Variants in VWC2L observed in about 807,000 individuals in gnomAD.
VWC2L encodes the protein von Willebrand factor C domain containing 2 like.
In VWC2L, 10 loss-of-function variants were observed where a neutral mutation model predicts 21.6. The ratio of observed to expected loss-of-function variants is 0.46; its 90% CI spans 0.29 to 0.78. VWC2L has a LOEUF of 0.78. Among genes scored for constraint, VWC2L ranks in the 30% least tolerant of loss-of-function variants. The pLI, the probability that VWC2L is intolerant of heterozygous loss-of-function variation, is 0.10. For missense variants in VWC2L, 209 were observed against 277.1 expected (o/e 0.75, Z 1.74); for synonymous variants, 96 against 94.3 (o/e 1.02, Z -0.10).
chr2:214,522,372 CT>C (rs1689256769), intron 3 of VWC2L, among the ~76,000 whole-genome samples: 2 of 49,756 alleles, frequency 4.0e-5, no homozygotes, highest in Non-Finnish European at 4.4e-5. Context: ...GAGACCCCGT[CT>C]CAAAAAAAAA....
chr2:214,458,909 T>G (rs1345030879), intron 3 of VWC2L, among the ~76,000 whole-genome samples: 2 of 152,180 alleles, frequency 1.3e-5, no homozygotes, highest in Admixed American at 1.3e-4. Flanking sequence ...TTGGATAAAA[T>G]ATTCTGTAAA....
At chr2:214,503,826 T>C (rs945783501) in intron 3 of VWC2L, among the ~76,000 whole-genome samples, 6 of 152,196 alleles carry the variant, frequency 3.9e-5, no homozygotes, top group South Asian at 4.1e-4. Context: ...CTTTTTGTTA[T>C]ATCTTTTCTG....
rs1559283007 is a variant in VWC2L, at chr2:214,414,121, C to A, written c.-73C>A. 3 of 1,480,908 alleles carry A rather than the reference C, an allele frequency of 2.0e-6. No individual in the cohort carries two copies. In the African/African-American group the frequency reaches 4.3e-5, roughly 21 times the overall value. The allele number at this position is 1,480,908 out of a possible 1,614,324, so 91.7% of individuals were successfully genotyped here. ...TTAAATATTTATTTTCAGCCTACCCCTCTTGTATTCCCATGGAAGGAGCTG... is the reference window on the plus strand; with the variant it reads ...TTAAATATTTATTTTCAGCCTACCCATCTTGTATTCCCATGGAAGGAGCTG... On this transcript the variant is annotated 5_prime_UTR_variant, in exon 2 of 4. Transcript: ENST00000312504.
At chr2:214,426,197 GTAAT>G (rs1366355159) in intron 2 of VWC2L, among the ~76,000 whole-genome samples, 6 of 120,324 alleles carry the variant, frequency 5.0e-5, no homozygotes, top group African/African-American at 1.7e-4. Context: ...AAAAAAAAAA[GTAAT>G]TCAGTCTGAA....
rs1689427803 is a variant in VWC2L, at chr2:214,531,133, T to C, written c.521-44539T>C. ...ATAAGGTTGAAAAGGAAAGTGGCTA[T>C]TCCCCCAAGGACCTTCCAACCAACA... is the stretch of plus-strand genomic sequence containing the variant. On this transcript the variant is annotated intron_variant, in intron 3 of 3. Transcript: ENST00000312504. 2.0e-5 allele frequency among the ~76,000 whole-genome samples: 3 copies of C among 152,194 alleles called. No individual in the cohort carries two copies. In the South Asian group the frequency reaches 6.2e-4, roughly 31 times the overall value.
chr2:214,425,741 G>A (rs181311843), intron 2 of VWC2L, among the ~76,000 whole-genome samples: 52 of 152,168 alleles, frequency 3.4e-4, no homozygotes, highest in South Asian at 1.2e-3. Context: ...ATAGAGAAGC[G>A]GTAGATCTTG....
At chr2:214,508,266 C>A (rs567063884) in intron 3 of VWC2L, among the ~76,000 whole-genome samples, 1 of 152,092 alleles carries the variant, frequency 6.6e-6, no homozygotes, top group Non-Finnish European at 1.5e-5. Flanking sequence ...GCACCACCAC[C>A]CCCGGCTCTT....
chr2:214,522,730 T>C (rs1023142216), intron 3 of VWC2L, among the ~76,000 whole-genome samples: 1 of 152,192 alleles, frequency 6.6e-6, no homozygotes, highest in African/African-American at 2.4e-5. Flanking sequence ...CTAATTATCA[T>C]TACAAGCTAC....
intron 3 of VWC2L, among the ~76,000 whole-genome samples, chr2:214,459,026 C>T (rs907417100): frequency 2.6e-5 from 4 of 152,038 alleles, no homozygotes; most frequent in Non-Finnish European, 5.9e-5. Context: ...AAGTCCCTAA[C>T]AATTATTGCA....
intron 3 of VWC2L, among the ~76,000 whole-genome samples, chr2:214,489,703 T>C (rs1417989586): frequency 6.6e-6 from 1 of 152,186 alleles, no homozygotes; most frequent in Non-Finnish European, 1.5e-5. Flanking sequence ...TTAGGGCAAG[T>C]AATGCTTTTA....
intron 3 of VWC2L, among the ~76,000 whole-genome samples, chr2:214,533,144 C>A (rs1689468298): frequency 6.6e-6 from 1 of 152,052 alleles, no homozygotes; most frequent in Non-Finnish European, 1.5e-5. Context: ...TGACAAACCA[C>A]TTAACCTTGC....
At chr2:214,528,313 A>G (rs1689375934) in intron 3 of VWC2L, among the ~76,000 whole-genome samples, 2 of 152,210 alleles carry the variant, frequency 1.3e-5, no homozygotes, top group African/African-American at 4.8e-5. Context: ...TCATGAATTC[A>G]CAACCTCTTG....
chr2:214,560,608 T>C (rs925298153), intron 3 of VWC2L, among the ~76,000 whole-genome samples: 112 of 152,252 alleles, frequency 7.4e-4, no homozygotes, highest in African/African-American at 2.6e-3. Context: ...TTAAATTTTA[T>C]GTTTTATATG....
rs540970069 is a variant in VWC2L at position 214,458,393 on chromosome 2, G to T, written c.520+21635G>T. Among the ~76,000 whole-genome samples, 99 of 151,858 alleles carry T rather than the reference G, an allele frequency of 6.5e-4. 1 individual carries two copies. The highest frequency in any genetic ancestry group is 2.3e-3 in the African/African-American group (97 of 41,452). The stretch of plus-strand genomic sequence containing the variant: ...CAAAAAGACAACTTTTTGTTTGCTT[G>T]ATATTCTATGTTGATGTTTTTTAGC... On this transcript the variant is annotated intron_variant, in intron 3 of 3. Coordinates refer to ENST00000312504, the MANE Select transcript of VWC2L (RefSeq NM_001080500.4).
intron 3 of VWC2L, among the ~76,000 whole-genome samples, chr2:214,563,532 G>A (rs1397191440): frequency 9.1e-6 from 1 of 110,406 alleles, no homozygotes; most frequent in Non-Finnish European, 1.8e-5. Context: ...GGGTGACACA[G>A]CAAGACTCCG....
chr2:214,429,298 A>G (rs1183674866), intron 2 of VWC2L, among the ~76,000 whole-genome samples: 2 of 152,218 alleles, frequency 1.3e-5, no homozygotes, highest in African/African-American at 4.8e-5. Flanking sequence ...TGCTTTGTCA[A>G]GAATGTTTTT....
chr2:214,461,826 C>T (rs556323207), intron 3 of VWC2L, among the ~76,000 whole-genome samples: 1 of 152,254 alleles, frequency 6.6e-6, no homozygotes, highest in African/African-American at 2.4e-5. Flanking sequence ...GGAGAAAGCC[C>T]GCAACCAGGA....
intron 3 of VWC2L, among the ~76,000 whole-genome samples, chr2:214,553,291 T>TG (rs1359585651): frequency 6.6e-6 from 1 of 152,266 alleles, no homozygotes; most frequent in Non-Finnish European, 1.5e-5. Context: ...GAGTGACTGA[T>TG]GGCCTATGAC....
At chr2:214,418,255 G>A (rs558315208) in intron 2 of VWC2L, among the ~76,000 whole-genome samples, 1 of 152,148 alleles carries the variant, frequency 6.6e-6, no homozygotes, top group African/African-American at 2.4e-5. Flanking sequence ...ACTGTGAAGA[G>A]CTTTATGTAT....
Sources: allele counts gnomAD v4.1 joint callset (sites outside exome capture counted in the v4.1 genomes callset), GRCh38; gene constraint gnomAD v4.1.1; transcripts MANE v1.5; gene names NCBI Gene and HGNC (gene_info 2026-07-23, HGNC 2026-07-21).